SOX6: variants seen among roughly 807,000 people sequenced by gnomAD.
The protein encoded by SOX6 is transcription factor SOX-6.
Under a neutral mutation model 97.8 loss-of-function variants are expected in SOX6, and 11 were observed. The observed-to-expected ratio is 0.11, with a 90% CI of 0.07 to 0.19. The LOEUF is 0.19. SOX6 is among the 10% of genes least tolerant of loss of function. The pLI, the probability that SOX6 is intolerant of heterozygous loss-of-function variation, is 1.00. For synonymous variants in SOX6, 360 were observed against 371.4 expected (o/e 0.97, Z 0.35); for missense variants, 810 against 1,039.5 (o/e 0.78, Z 3.04).
intron 3 of SOX6, among the ~76,000 whole-genome samples, chr11:16,292,027 C>A (rs1376936266): frequency 6.6e-6 from 1 of 152,042 alleles, no homozygotes; most frequent in East Asian, 1.9e-4. Flanking sequence ...TGCTTATGGG[C>A]AGATCATCTG....
intron 12 of SOX6, among the ~76,000 whole-genome samples, chr11:16,020,599 C>T (rs1478225474): frequency 2.6e-5 from 4 of 152,210 alleles, no homozygotes; most frequent in East Asian, 3.9e-4. Flanking sequence ...AATAATACCA[C>T]GATCATCCTT....
At position 16,242,025 on chromosome 11, in the gene SOX6, T is replaced by G. The variant is rs1853209608; in HGVS notation, c.446-7354A>C. Among the ~76,000 whole-genome samples the G allele has an allele frequency of 3.3e-5, 5 of 152,120 alleles. No individual in the cohort carries two copies. The South Asian group carries it at 6.2e-4, about 19-fold the overall frequency. On this transcript the variant is annotated intron_variant, in intron 3 of 15. Transcript: ENST00000683767. ...GCAACTTAAAAAAATCTAAACATTA[T>G]GAAAACCATAACCAAAAGTGTCATA... is the stretch of plus-strand genomic sequence containing the variant.
Position 16,541,091 on chromosome 11 carries a change from C to A in SOX6, n.610-64703G>T, listed in dbSNP as rs532178547. On this transcript the variant is annotated intron_variant and non_coding_transcript_variant, in intron 4 of 5. Coordinates refer to the SOX6 transcript ENST00000524520. ...AAACTATACTACAAGGCTACAGTAA[C>A]CAAAACAGCATGGTACTGGTACCAA... Among the ~76,000 whole-genome samples, 38 of 152,208 alleles carry A rather than the reference C, an allele frequency of 2.5e-4. No individual in the cohort carries two copies. In the East Asian group the frequency reaches 7.0e-3, roughly 28 times the overall value.
At chr11:16,140,448 C>A (rs1224342609) in intron 6 of SOX6, among the ~76,000 whole-genome samples, 1 of 152,144 alleles carries the variant, frequency 6.6e-6, no homozygotes, top group Admixed American at 6.5e-5. Context: ...TTTGAAGCCA[C>A]AGAGACCTAA....
At position 15,979,774 on chromosome 11, in the gene SOX6, C is replaced by G. The variant is rs567396780; in HGVS notation, c.2183+6430G>C. 2.6e-5 allele frequency among the ~76,000 whole-genome samples: 4 copies of G among 152,114 alleles called. No homozygotes were observed. In the South Asian group the frequency reaches 8.3e-4, roughly 32 times the overall value. ...TCCCTTCCCTACTGAGGCCTTTGCT[C>G]AAATGTTGCTTTCTCAGTGAGGTTT... On this transcript the variant is annotated intron_variant, in intron 15 of 15. Transcript: ENST00000683767.
At chr11:16,022,924 A>G (rs1014810557) in intron 12 of SOX6, among the ~76,000 whole-genome samples, 5 of 151,708 alleles carry the variant, frequency 3.3e-5, no homozygotes, top group Admixed American at 1.3e-4. Context: ...TATCCTATTC[A>G]CTCTAGTTTA....
At chr11:16,514,201 G>A (rs945000793) in intron 4 of SOX6, among the ~76,000 whole-genome samples, 12 of 135,198 alleles carry the variant, frequency 8.9e-5, no homozygotes, top group Admixed American at 2.3e-4. Flanking sequence ...GGGCAACAGC[G>A]CAAGTCCCTG....
chr11:16,279,703 A>G (rs1429040290), intron 3 of SOX6, among the ~76,000 whole-genome samples: 2 of 152,084 alleles, frequency 1.3e-5, no homozygotes, highest in East Asian at 3.9e-4. Context: ...TTAGTTACAA[A>G]TTGCACAATT....
chr11:16,206,305 C>T (rs990431602), intron 4 of SOX6, among the ~76,000 whole-genome samples: 1 of 152,036 alleles, frequency 6.6e-6, no homozygotes, highest in Non-Finnish European at 1.5e-5. Context: ...TTACAAAAGA[C>T]CTCTGTTGGA....
intron 2 of SOX6, among the ~76,000 whole-genome samples, chr11:16,732,474 C>G (rs1590068390): frequency 6.6e-6 from 1 of 152,212 alleles, no homozygotes; most frequent in Non-Finnish European, 1.5e-5. Flanking sequence ...CTGACACAAA[C>G]AAGCAACGGG....
At chr11:16,449,919 TGACA>T (rs1859688670) in intron 1 of SOX6, among the ~76,000 whole-genome samples, 1 of 152,162 alleles carries the variant, frequency 6.6e-6, no homozygotes, top group African/African-American at 2.4e-5. Flanking sequence ...CAAAATCACT[TGACA>T]GACAGTTGCT....
chr11:16,423,795 T>G (rs909825120), intron 1 of SOX6, among the ~76,000 whole-genome samples: 1 of 151,984 alleles, frequency 6.6e-6, no homozygotes, highest in Admixed American at 6.6e-5. Flanking sequence ...TAAAAGGCAA[T>G]AGAATAAATC....
At chr11:16,108,286 T>C (rs1368598358) in intron 7 of SOX6, among the ~76,000 whole-genome samples, 14 of 152,082 alleles carry the variant, frequency 9.2e-5, no homozygotes, top group Admixed American at 7.9e-4. Flanking sequence ...CCTAGGACCT[T>C]CTAGGAAACT....
chr11:16,499,625 A>T (rs1050474125), intron 4 of SOX6, among the ~76,000 whole-genome samples: 41 of 152,090 alleles, frequency 2.7e-4, no homozygotes, highest in Non-Finnish European at 4.0e-4. Flanking sequence ...CGATAAAAGG[A>T]ATATCACCAC....
intron 1 of SOX6, among the ~76,000 whole-genome samples, chr11:16,390,979 T>G (rs1312405064): frequency 1.3e-5 from 2 of 152,300 alleles, no homozygotes; most frequent in African/African-American, 4.8e-5. Flanking sequence ...TAAGAAAATG[T>G]GGCACATATA....
rs35570543 is a variant in SOX6 at position 16,280,869 on chromosome 11, T to G, written c.445+37577A>C. Among the ~76,000 whole-genome samples, 975 of 152,272 alleles carry G rather than the reference T, an allele frequency of 6.4e-3. 6 individuals are homozygous for G. Among genetic ancestry groups the G allele is most frequent in the South Asian group, 0.012 (58 of 4,832 alleles). On this transcript the variant is annotated intron_variant, in intron 3 of 15. Transcript: ENST00000683767. ...TGTAATAACATAAATAACATACTAT[T>G]TCAATAAATTCCTTTGCCTTAATTA...
chr11:16,214,267 A>G (rs998612632), intron 4 of SOX6, among the ~76,000 whole-genome samples: 5 of 152,212 alleles, frequency 3.3e-5, no homozygotes, highest in Admixed American at 1.3e-4. Context: ...GTCTATAACT[A>G]TACTAAGCAG....
intron 4 of SOX6, among the ~76,000 whole-genome samples, chr11:16,491,500 A>G (rs12293115): frequency 0.22 from 33,333 of 150,428 alleles, 4,118 homozygotes; most frequent in East Asian, 0.51. Flanking sequence ...CCAACAGTCT[A>G]TGTGTGTGTG....
chr11:16,162,169 A>G (rs144992393), intron 6 of SOX6, among the ~76,000 whole-genome samples: 1 of 152,366 alleles, frequency 6.6e-6, no homozygotes, highest in East Asian at 1.9e-4. Flanking sequence ...ATTCTTGCTT[A>G]TAATTACAAC....
Sources: allele counts gnomAD v4.1 joint callset (sites outside exome capture counted in the v4.1 genomes callset), GRCh38; gene constraint gnomAD v4.1.1; transcripts MANE v1.5; gene names NCBI Gene and HGNC (gene_info 2026-07-23, HGNC 2026-07-21).